SLC39A11: variants seen among roughly 807,000 people sequenced by gnomAD.
The protein encoded by SLC39A11 is zinc transporter ZIP11.
In SLC39A11, 33 loss-of-function variants were observed where a neutral mutation model predicts 36.1. The ratio of observed to expected loss-of-function variants is 0.91; its 90% CI spans 0.69 to 1.22. SLC39A11 has a LOEUF of 1.22. Among genes scored for constraint, SLC39A11 ranks in the 50% most tolerant of loss-of-function variants. The probability of loss-of-function intolerance (pLI) is 0.00; values close to 1 mark genes in which losing one functional copy is unlikely to be tolerated. For missense variants in SLC39A11, 432 were observed against 430.3 expected (o/e 1.00, Z -0.03); for synonymous variants, 166 against 170.3 (o/e 0.97, Z 0.20).
chr17:73,027,548 C>T (rs1032885537), intron 4 of SLC39A11, among the ~76,000 whole-genome samples: 1 of 152,226 alleles, frequency 6.6e-6, no homozygotes, highest in African/African-American at 2.4e-5. Flanking sequence ...GTTAACAAAG[C>T]CACAACGGCT....
At chr17:72,871,188 A>C (rs2080605343) in intron 5 of SLC39A11, among the ~76,000 whole-genome samples, 1 of 150,980 alleles carries the variant, frequency 6.6e-6, no homozygotes, top group African/African-American at 2.4e-5. Flanking sequence ...CAGCCTCCCG[A>C]GTAGCTGGGA....
intron 5 of SLC39A11, among the ~76,000 whole-genome samples, chr17:72,900,604 G>T (rs1486170240): frequency 2.6e-5 from 4 of 151,996 alleles, no homozygotes; most frequent in African/African-American, 9.7e-5. Context: ...CTGACTGCTG[G>T]GTGGAGACCT....
chr17:72,876,181 C>CTGCCA (rs1406115901), intron 5 of SLC39A11, among the ~76,000 whole-genome samples: 2 of 152,134 alleles, frequency 1.3e-5, no homozygotes, highest in Non-Finnish European at 2.9e-5. Context: ...TAACCATGCT[C>CTGCCA]TGCCATGCCC....
chr17:72,756,916 G>A (rs766351233), intron 6 of SLC39A11, among the ~76,000 whole-genome samples: 31 of 151,470 alleles, frequency 2.0e-4, no homozygotes, highest in African/African-American at 6.5e-4. Context: ...TTGGGAGACC[G>A]AGGCAGGTGG....
At chr17:73,069,771 T>C (rs2060105691) in intron 3 of SLC39A11, among the ~76,000 whole-genome samples, 1 of 152,164 alleles carries the variant, frequency 6.6e-6, no homozygotes, top group Admixed American at 6.5e-5. Flanking sequence ...TGATACTCAG[T>C]AAGTGCTTTT....
At chr17:72,781,649 G>C (rs1338512706) in intron 6 of SLC39A11, among the ~76,000 whole-genome samples, 1 of 151,932 alleles carries the variant, frequency 6.6e-6, no homozygotes, top group Non-Finnish European at 1.5e-5. Context: ...TTGGTCTCCT[G>C]ACCTCATGTT....
intron 7 of SLC39A11, among the ~76,000 whole-genome samples, chr17:72,674,237 G>A (rs534833576): frequency 3.3e-5 from 5 of 151,924 alleles, no homozygotes; most frequent in Non-Finnish European, 4.4e-5. Flanking sequence ...GCACAAGTAA[G>A]TGGATATATG....
chr17:72,836,964 T>A (rs75043575), intron 6 of SLC39A11, among the ~76,000 whole-genome samples: 4,582 of 152,184 alleles, frequency 0.03, 242 homozygotes, highest in African/African-American at 0.1. Context: ...ACAGTAGAAT[T>A]TTCTGCTCAG....
chr17:72,894,081 G>A (rs544575781), intron 5 of SLC39A11, among the ~76,000 whole-genome samples: 1 of 152,058 alleles, frequency 6.6e-6, no homozygotes, highest in African/African-American at 2.4e-5. Context: ...TACAGAGGGG[G>A]TTGGGCATGG....
rs1167398825 is a variant in SLC39A11 at position 72,890,291 on chromosome 17, A to C, written c.431-40487T>G. The stretch of plus-strand genomic sequence containing the variant: ...AACAAACAACAACAACAACAAAAAA[A>C]AAAAAAACCACCAGAGGCAGAGGAA... On this transcript the variant is annotated intron_variant, in intron 5 of 9. Transcript: ENST00000255559. 2.6e-5 allele frequency among the ~76,000 whole-genome samples: 4 copies of C among 151,990 alleles called. No individual in the cohort carries two copies. The East Asian group carries it at 5.8e-4, about 22-fold the overall frequency.
intron 6 of SLC39A11, among the ~76,000 whole-genome samples, chr17:72,828,691 C>T (rs987705238): frequency 2.0e-5 from 3 of 152,150 alleles, no homozygotes; most frequent in African/African-American, 7.2e-5. Context: ...TGGGTGCCCC[C>T]GGGGAGGTGG....
In SLC39A11 at chr17:72,743,967, A is replaced by C. The variant is rs72843251; in HGVS notation, c.602-7248T>G. Among the ~76,000 whole-genome samples the C allele has an allele frequency of 2.1e-3, 323 of 152,316 alleles. 1 individual carries two copies. Among genetic ancestry groups the C allele is most frequent in the Non-Finnish European group, 2.8e-3 (189 of 68,032 alleles). Reference sequence around the variant, plus strand: ...AGTCTGGAAGACAAACTTGAACATAAGCACCAAAGCGGAAGGAGCTGGCTC... The same window carrying C: ...AGTCTGGAAGACAAACTTGAACATACGCACCAAAGCGGAAGGAGCTGGCTC... On this transcript the variant is annotated intron_variant, in intron 6 of 9. Transcript: ENST00000255559.
At chr17:72,953,903 C>T (rs1211544432) in intron 4 of SLC39A11, among the ~76,000 whole-genome samples, 3 of 152,200 alleles carry the variant, frequency 2.0e-5, no homozygotes, top group Non-Finnish European at 4.4e-5. Flanking sequence ...CTGACCTCCG[C>T]CAAACCCGCA....
chr17:72,841,923 T>C (rs1262577121), intron 6 of SLC39A11, among the ~76,000 whole-genome samples: 1 of 148,486 alleles, frequency 6.7e-6, no homozygotes, highest in Admixed American at 6.7e-5. Context: ...AAAAAAGAAA[T>C]TAGCTGGGTG....
intron 3 of SLC39A11, among the ~76,000 whole-genome samples, chr17:73,066,677 C>T (rs1568218181): frequency 6.6e-6 from 1 of 152,092 alleles, no homozygotes; most frequent in Non-Finnish European, 1.5e-5. Context: ...TTTCATGGGC[C>T]AGGAGTAACT....
chr17:72,767,144 C>T (rs1402930627), intron 6 of SLC39A11, among the ~76,000 whole-genome samples: 3 of 152,232 alleles, frequency 2.0e-5, no homozygotes, highest in African/African-American at 2.4e-5. Context: ...CAAAATAAAC[C>T]TTTGACTGTT....
At chr17:72,757,974 C>G (rs1254573257) in intron 6 of SLC39A11, among the ~76,000 whole-genome samples, 1 of 152,130 alleles carries the variant, frequency 6.6e-6, no homozygotes, top group African/African-American at 2.4e-5. Context: ...CAACCTCCAC[C>G]TCCTGGGTTC....
intron 4 of SLC39A11, among the ~76,000 whole-genome samples, chr17:73,005,925 T>C (rs2090152765): frequency 6.6e-6 from 1 of 152,096 alleles, no homozygotes; most frequent in Admixed American, 6.6e-5. Context: ...CACTCCAGCC[T>C]GGGCAACAGA....
chr17:72,866,002 G>GTCC (rs2080283410), intron 5 of SLC39A11, among the ~76,000 whole-genome samples: 1 of 152,208 alleles, frequency 6.6e-6, no homozygotes, highest in Admixed American at 6.5e-5. Flanking sequence ...ACAATATCAA[G>GTCC]AACAGTTTAA....
Sources: allele counts gnomAD v4.1 joint callset (sites outside exome capture counted in the v4.1 genomes callset), GRCh38; gene constraint gnomAD v4.1.1; transcripts MANE v1.5; gene names NCBI Gene and HGNC (gene_info 2026-07-23, HGNC 2026-07-21).